Variants in CHSY3 observed in about 807,000 individuals in gnomAD.
The protein encoded by CHSY3 is N-acetylgalactosaminyl-proteoglycan 3-beta-glucuronosyltransferase 3.
Under a neutral mutation model 67.2 loss-of-function variants are expected in CHSY3, and 35 were observed. That is an observed-to-expected ratio of 0.52 (90% CI 0.40 to 0.69). The LOEUF (loss-of-function observed/expected upper bound fraction) is 0.69. Among genes scored for constraint, CHSY3 ranks in the 30% least tolerant of loss-of-function variants. The pLI is 0.00. For missense variants in CHSY3, 1,069 were observed against 1,138.5 expected, an observed-to-expected ratio of 0.94 and a Z score of 0.88; for synonymous variants, 474 against 434.7, an observed-to-expected ratio of 1.09 and a Z score of -1.12.
intron 2 of CHSY3, among the ~76,000 whole-genome samples, chr5:130,017,480 G>A (rs1052241410): frequency 6.6e-6 from 1 of 152,100 alleles, no homozygotes; most frequent in African/African-American, 2.4e-5. Context: ...GAAGGCTGGG[G>A]TAGCGTACTT....
intron 2 of CHSY3, chr5:130,140,943 CT>C: frequency 2.3e-6 from 2 of 868,696 alleles, no homozygotes; most frequent in Non-Finnish European, 2.8e-6. Context: ...GAATTGAATG[CT>C]TACCTGTTCC....
chr5:130,103,816 A>T (rs947349876), intron 2 of CHSY3, among the ~76,000 whole-genome samples: 1 of 152,002 alleles, frequency 6.6e-6, no homozygotes, highest in Non-Finnish European at 1.5e-5. Context: ...CACTCTGAAT[A>T]AAATATTACC....
intron 2 of CHSY3, among the ~76,000 whole-genome samples, chr5:130,107,724 T>C (rs1177588671): frequency 2.0e-5 from 3 of 151,510 alleles, no homozygotes. Flanking sequence ...AAAGTAAAAC[T>C]TAGTGGTATT....
Position 129,904,777 on chromosome 5 carries a change from C to A in CHSY3, c.-53C>A. Reference sequence around the variant, plus strand: ...GAGGGGCGGGTGTGAGCCGGGGAAACCGCGTGCCGCGCCGCGACAGCCCAG... The same window carrying A: ...GAGGGGCGGGTGTGAGCCGGGGAAAACGCGTGCCGCGCCGCGACAGCCCAG... On this transcript the variant is annotated 5_prime_UTR_variant, in exon 1 of 3. Coordinates refer to ENST00000305031, the MANE Select transcript of CHSY3 (RefSeq NM_175856.5). The A allele has an allele frequency of 2.3e-6, 3 of 1,310,162 alleles. No homozygotes were observed. Among genetic ancestry groups the A allele is most frequent in the Non-Finnish European group, 2.9e-6 (3 of 1,030,548 alleles). 81.2% of individuals were successfully genotyped at this position (1,310,162 alleles called of 1,614,324 possible). A position where few individuals can be genotyped will look rare whatever the true frequency, so the allele number is the denominator to read the frequency against.
intron 2 of CHSY3, among the ~76,000 whole-genome samples, chr5:130,155,248 A>G (rs1769344702): frequency 6.6e-6 from 1 of 152,218 alleles, no homozygotes; most frequent in African/African-American, 2.4e-5. Flanking sequence ...TGGGACCTTT[A>G]CATATTTAGG....
rs778027156 is a variant in CHSY3, at chr5:130,184,559, C to T, written c.1417C>T (p.Leu473Phe). The T allele has an allele frequency of 6.2e-6, 10 of 1,611,552 alleles. No homozygotes were observed. The South Asian group carries it at 9.9e-5, about 16-fold the overall frequency. The change falls in exon 3 of 3, where the codon CTT becomes TTT. Residue 473 changes from leucine (L) to phenylalanine (F), a missense_variant. By Grantham distance (22) the Leu-to-Phe change is conservative (BLOSUM62 0). This residue lies in a region of CHSY3 where 401 missense variants were observed against 395.2 expected (regional missense o/e 1.01). Transcript: ENST00000305031. ...AGAATGGGAGTTCCTGACAGGGAAG[C>T]TTCTATACTCAGCAGCTGAGAACCA... Reference protein sequence around the residue: ...VIEWEFLTGKLLYSAAENQPP... With the variant: ...VIEWEFLTGKFLYSAAENQPP...
At chr5:130,054,533 G>A (rs1308726779) in intron 2 of CHSY3, among the ~76,000 whole-genome samples, 3 of 152,084 alleles carry the variant, frequency 2.0e-5, no homozygotes, top group African/African-American at 4.8e-5. Flanking sequence ...GCACTACCAT[G>A]TGCTGGCCCT....
intron 2 of CHSY3, among the ~76,000 whole-genome samples, chr5:129,940,665 A>C (rs1219123633): frequency 1.3e-5 from 2 of 151,666 alleles, no homozygotes; most frequent in Non-Finnish European, 2.9e-5. Context: ...ATCTTTATGC[A>C]TGTGTGTGTG....
At chr5:129,968,284 A>T (rs1762523221) in intron 2 of CHSY3, among the ~76,000 whole-genome samples, 2 of 151,872 alleles carry the variant, frequency 1.3e-5, no homozygotes, top group Non-Finnish European at 2.9e-5. Context: ...TTTCCATTTT[A>T]TCTGTGTAGC....
Position 130,089,395 on chromosome 5 carries a change from AT to A in CHSY3, c.1087-94833del, listed in dbSNP as rs1194269092. ...AATAATAATAAAATAAAAATTAAAA[AT>A]AAAAAAATTTAAAAAGTAAAGTACA... On this transcript the variant is annotated intron_variant, in intron 2 of 2. Coordinates refer to ENST00000305031, the MANE Select transcript of CHSY3 (RefSeq NM_175856.5). Among the ~76,000 whole-genome samples, 4 of 152,120 alleles carry A rather than the reference AT, an allele frequency of 2.6e-5. No individual in the cohort carries two copies. In the East Asian group the frequency reaches 7.7e-4, roughly 29 times the overall value.
intron 2 of CHSY3, among the ~76,000 whole-genome samples, chr5:130,129,284 C>G (rs1177740407): frequency 6.6e-6 from 1 of 152,106 alleles, no homozygotes; most frequent in Non-Finnish European, 1.5e-5. Context: ...TGGAATTGCT[C>G]TAAAAGGATT....
chr5:130,139,405 C>T (rs1040078503), intron 2 of CHSY3, among the ~76,000 whole-genome samples: 11 of 152,208 alleles, frequency 7.2e-5, no homozygotes, highest in African/African-American at 2.7e-4. Flanking sequence ...CTCTGTCACA[C>T]TTTAGCCGGA....
At chr5:130,161,524 TGTTTA>T (rs1325434965) in intron 2 of CHSY3, among the ~76,000 whole-genome samples, 3 of 152,238 alleles carry the variant, frequency 2.0e-5, no homozygotes, top group African/African-American at 7.2e-5. Flanking sequence ...AAAGGGATTA[TGTTTA>T]GTTAATGTAG....
intron 2 of CHSY3, among the ~76,000 whole-genome samples, chr5:129,995,903 T>C (rs1763525229): frequency 6.6e-6 from 1 of 152,090 alleles, no homozygotes; most frequent in Non-Finnish European, 1.5e-5. Flanking sequence ...CATCTTTATC[T>C]GTCTCTACCA....
At position 129,967,693 on chromosome 5, in the gene CHSY3, A is replaced by T. The variant is rs570633846; in HGVS notation, c.1086+59333A>T. Among the ~76,000 whole-genome samples the T allele has an allele frequency of 2.6e-5, 4 of 151,958 alleles. No individual in the cohort carries two copies. In the East Asian group the frequency reaches 7.8e-4, roughly 29 times the overall value. On this transcript the variant is annotated intron_variant, in intron 2 of 2. Transcript: ENST00000305031. ...TGATTTGGGAGAGTGGCTATTAATT[A>T]TACAGAAGACGGTGAGTGAATAGAA... is the stretch of plus-strand genomic sequence containing the variant.
intron 2 of CHSY3, among the ~76,000 whole-genome samples, chr5:129,970,510 G>C (rs1394859694): frequency 6.6e-6 from 1 of 151,696 alleles, no homozygotes; most frequent in Non-Finnish European, 1.5e-5. Flanking sequence ...TGAAGGGCTA[G>C]CATGGAATAA....
chr5:130,027,118 A>T (rs576523719), intron 2 of CHSY3, among the ~76,000 whole-genome samples: 2 of 152,206 alleles, frequency 1.3e-5, no homozygotes, highest in African/African-American at 4.8e-5. Context: ...GTTCTCTAAC[A>T]CTATGGTACT....
At chr5:130,015,181 GTCTC>G (rs1001915545) in intron 2 of CHSY3, among the ~76,000 whole-genome samples, 7 of 152,018 alleles carry the variant, frequency 4.6e-5, no homozygotes, top group Non-Finnish European at 1.0e-4. Context: ...TTCACTTTCT[GTCTC>G]TCCTGCTGTC....
intron 2 of CHSY3, among the ~76,000 whole-genome samples, chr5:130,138,228 G>T (rs1008111668): frequency 3.3e-5 from 5 of 152,184 alleles, no homozygotes; most frequent in Non-Finnish European, 7.3e-5. Context: ...GGCTAAGGAA[G>T]CCATTCGAGG....
Sources: allele counts gnomAD v4.1 joint callset (sites outside exome capture counted in the v4.1 genomes callset), GRCh38; gene constraint gnomAD v4.1.1; regional missense constraint gnomAD v4.1.1; transcripts MANE v1.5; gene names NCBI Gene and HGNC (gene_info 2026-07-23, HGNC 2026-07-21).